Variants in SLC8A1 observed in about 807,000 individuals in gnomAD.
The protein encoded by SLC8A1 is sodium/calcium exchanger 1.
Under a neutral mutation model 68.3 loss-of-function variants are expected in SLC8A1, and 18 were observed. The observed-to-expected ratio is 0.26, with a 90% confidence interval of 0.18 to 0.39. The LOEUF (loss-of-function observed/expected upper bound fraction) is 0.39, where lower values mean the gene tolerates loss of function less well. Ranked by LOEUF, SLC8A1 falls within the 10% of genes least tolerant of loss-of-function variation. The pLI is 1.00. For synonymous variants in SLC8A1, 475 were observed against 415.5 expected, an observed-to-expected ratio of 1.14 and a Z score of -1.74; for missense variants, 985 against 1,156.7, an observed-to-expected ratio of 0.85 and a Z score of 2.15.
At chr2:40,410,301 C>T (rs1340505306) in intron 2 of SLC8A1, among the ~76,000 whole-genome samples, 2 of 152,018 alleles carry the variant, frequency 1.3e-5, no homozygotes, top group East Asian at 1.9e-4. Context: ...TTCAATATGA[C>T]CTGTTACTGG....
chr2:40,204,649 G>A (rs934087250), intron 2 of SLC8A1, among the ~76,000 whole-genome samples: 2 of 151,900 alleles, frequency 1.3e-5, no homozygotes, highest in African/African-American at 2.4e-5. Context: ...GACTTACTTT[G>A]AATAGGTCAG....
At chr2:40,462,260 G>A (rs1345538439) in intron 1 of SLC8A1, among the ~76,000 whole-genome samples, 1 of 151,578 alleles carries the variant, frequency 6.6e-6, no homozygotes, top group African/African-American at 2.4e-5. Flanking sequence ...ACCCACCTCG[G>A]CCTCCCAAAA....
At chr2:40,194,267 C>G (rs931382733) in intron 2 of SLC8A1, among the ~76,000 whole-genome samples, 1 of 152,028 alleles carries the variant, frequency 6.6e-6, no homozygotes, top group Non-Finnish European at 1.5e-5. Flanking sequence ...TTATCAAAAA[C>G]TAAGGTCTCA....
chr2:40,194,426 T>C (rs1258318606), intron 2 of SLC8A1, among the ~76,000 whole-genome samples: 3 of 150,242 alleles, frequency 2.0e-5, no homozygotes, highest in Non-Finnish European at 3.0e-5. Context: ...AGGATAACAC[T>C]GAGCGATCAC....
intron 2 of SLC8A1, among the ~76,000 whole-genome samples, chr2:40,298,836 A>G (rs922867605): frequency 2.0e-5 from 3 of 152,204 alleles, no homozygotes; most frequent in African/African-American, 7.2e-5. Flanking sequence ...TTTAGAACTT[A>G]TGGATGTTTC....
At chr2:40,222,196 G>A (rs141477135) in intron 2 of SLC8A1, among the ~76,000 whole-genome samples, 5 of 152,078 alleles carry the variant, frequency 3.3e-5, no homozygotes, top group East Asian at 1.9e-4. Flanking sequence ...CAGTGGAACA[G>A]AACAGAGGCC....
Position 40,186,099 on chromosome 2 carries a change from C to G in SLC8A1, c.1809-8244G>C, listed in dbSNP as rs116399954. Among the ~76,000 whole-genome samples, 1,206 of 152,264 alleles carry G rather than the reference C, an allele frequency of 7.9e-3. 16 individuals are homozygous for G. Among genetic ancestry groups the G allele is most frequent in the African/African-American group, 0.027 (1,117 of 41,550 alleles). On this transcript the variant is annotated intron_variant, in intron 2 of 7. Coordinates refer to ENST00000406785, the Ensembl canonical transcript of SLC8A1. ...TTACCTCAGGCTGGCTTCCTTGACTCCTTTCTTTTCCCCAAAATATAAGGT... is the reference window on the plus strand; with the variant it reads ...TTACCTCAGGCTGGCTTCCTTGACTGCTTTCTTTTCCCCAAAATATAAGGT...
chr2:40,343,242 T>G (rs761245476), intron 2 of SLC8A1, among the ~76,000 whole-genome samples: 2 of 152,150 alleles, frequency 1.3e-5, no homozygotes, highest in Non-Finnish European at 2.9e-5. Flanking sequence ...ATTATGCATT[T>G]TCTCAATCTT....
rs770480542 is a variant in SLC8A1 at position 40,178,486 on chromosome 2, T to C, written c.1809-631A>G. ...TCATCATCAATTACCTTGACTGATA[T>C]TGTTTTGCTGAAACAGAGAATAGAA... On this transcript the variant is annotated intron_variant, in intron 2 of 7. Coordinates refer to ENST00000406785, the Ensembl canonical transcript of SLC8A1. 1.2e-5 allele frequency: 19 copies of C among 1,612,040 alleles called. No individual in the cohort carries two copies. The East Asian group carries it at 1.6e-4, about 13-fold the overall frequency.
chr2:40,457,875 T>A (rs1247860209), intron 1 of SLC8A1, among the ~76,000 whole-genome samples: 4 of 152,208 alleles, frequency 2.6e-5, no homozygotes, highest in African/African-American at 7.2e-5. Flanking sequence ...TTGGGGCTGC[T>A]ATGGTTACTC....
intron 2 of SLC8A1, among the ~76,000 whole-genome samples, chr2:40,322,096 C>A (rs1025870802): frequency 6.6e-6 from 1 of 151,928 alleles, no homozygotes; most frequent in Non-Finnish European, 1.5e-5. Flanking sequence ...TTTCTTTGAC[C>A]TTTTTTACCC....
intron 2 of SLC8A1, among the ~76,000 whole-genome samples, chr2:40,237,498 A>G (rs1474351889): frequency 1.3e-5 from 2 of 151,940 alleles, no homozygotes; most frequent in Non-Finnish European, 2.9e-5. Context: ...TTCTAGTTAT[A>G]CATTCTTCTA....
rs1676790008 is a variant in SLC8A1 at position 40,367,920 on chromosome 2, A to G, written c.1808+60553T>C. Among the ~76,000 whole-genome samples the G allele has an allele frequency of 1.3e-5, 2 of 152,070 alleles. 1 individual carries two copies. Among genetic ancestry groups the G allele is most frequent in the South Asian group, 4.1e-4 (2 of 4,832 alleles). ...CATGCCAGGTCTTCCATATCTTTAC[A>G]GGACACTTGGTATTTTTCAAAAACT... On this transcript the variant is annotated intron_variant, in intron 2 of 7. Transcript: ENST00000406785.
intron 1 of SLC8A1, among the ~76,000 whole-genome samples, chr2:40,467,568 C>A (rs780731183): frequency 6.6e-6 from 1 of 152,044 alleles, no homozygotes; most frequent in African/African-American, 2.4e-5. Flanking sequence ...GATTTGCTGC[C>A]TTTTTGTTCC....
At chr2:40,416,360 G>T (rs935403410) in intron 2 of SLC8A1, among the ~76,000 whole-genome samples, 1 of 152,020 alleles carries the variant, frequency 6.6e-6, no homozygotes, top group Non-Finnish European at 1.5e-5. Context: ...GACTCACTAA[G>T]AAACAAAGAT....
At chr2:40,289,717 G>A (rs1181154983) in intron 2 of SLC8A1, among the ~76,000 whole-genome samples, 1 of 151,740 alleles carries the variant, frequency 6.6e-6, no homozygotes, top group African/African-American at 2.4e-5. Flanking sequence ...GGGGCTTGGT[G>A]GTGCTTGGTG....
chr2:40,169,603 G>A (rs1330673251), intron 4 of SLC8A1, among the ~76,000 whole-genome samples: 1 of 152,092 alleles, frequency 6.6e-6, no homozygotes, highest in African/African-American at 2.4e-5. Context: ...GTTGCCTGGG[G>A]GCAGCAAGGG....
intron 2 of SLC8A1, among the ~76,000 whole-genome samples, chr2:40,216,428 A>T (rs1162237332): frequency 6.6e-6 from 1 of 152,140 alleles, no homozygotes; most frequent in African/African-American, 2.4e-5. Context: ...TATTGGCTCC[A>T]TGACTGCTAT....
At chr2:40,403,549 A>G (rs1299762735) in intron 2 of SLC8A1, among the ~76,000 whole-genome samples, 1 of 152,202 alleles carries the variant, frequency 6.6e-6, no homozygotes, top group African/African-American at 2.4e-5. Flanking sequence ...ATTCAGTAGA[A>G]CCCTATAATT....
Sources: allele counts gnomAD v4.1 joint callset (sites outside exome capture counted in the v4.1 genomes callset), GRCh38; gene constraint gnomAD v4.1.1; transcripts MANE v1.5; gene names NCBI Gene and HGNC (gene_info 2026-07-23, HGNC 2026-07-21).